Variants in DACH2 observed in about 807,000 individuals in gnomAD.
DACH2 encodes the protein dachshund family transcription factor 2.
DACH2 carries 17 observed loss-of-function variants against 35.8 expected under a neutral mutation model. That is an observed-to-expected ratio of 0.48 (90% confidence interval 0.33 to 0.71). The LOEUF is 0.71. Among genes scored for constraint, DACH2 ranks in the 30% least tolerant of loss-of-function variants. The pLI is 0.02. For missense variants in DACH2, 469 were observed against 472.7 expected (o/e 0.99, Z 0.07); for synonymous variants, 195 against 177.3 (o/e 1.10, Z -0.79).
chrX:86,634,052 A>T (rs1305763126), intron 3 of DACH2, among the ~76,000 whole-genome samples: 7 of 111,426 alleles, frequency 6.3e-5, no homozygotes, highest in African/African-American at 2.3e-4. Context: ...ACTTACAATC[A>T]TGGTGGAAGA....
intron 2 of DACH2, among the ~76,000 whole-genome samples, chrX:86,475,447 T>A (rs955550693): frequency 8.9e-6 from 1 of 111,939 alleles, no homozygotes; most frequent in African/African-American, 3.2e-5. Context: ...CATTTATGGC[T>A]ATTGTAAACA....
intron 1 of DACH2, among the ~76,000 whole-genome samples, chrX:86,325,230 A>G (rs1332445918): frequency 1.8e-5 from 2 of 111,851 alleles, no homozygotes; most frequent in East Asian, 2.8e-4. Context: ...TGGTATCTAA[A>G]GGGTATCTAA....
rs11345234 is a variant in DACH2, at chrX:86,300,841, AT to A, written c.489-75979del. Among the ~76,000 whole-genome samples the A allele has an allele frequency of 6.1e-3, 681 of 112,115 alleles. 5 individuals carry two copies. Among genetic ancestry groups the A allele is most frequent in the African/African-American group, 0.021 (652 of 30,912 alleles). Reference sequence around the variant, plus strand: ...TTGCACATGGAAATTGTATTTTGCCATTTTCTGTGCTCATTCAGCTTCCTTT... The same window carrying A: ...TTGCACATGGAAATTGTATTTTGCCATTTCTGTGCTCATTCAGCTTCCTTT... On this transcript the variant is annotated intron_variant, in intron 1 of 11. Coordinates refer to ENST00000373125, the MANE Select transcript of DACH2 (RefSeq NM_053281.3).
intron 2 of DACH2, among the ~76,000 whole-genome samples, chrX:86,501,267 G>A (rs749350929): frequency 8.9e-6 from 1 of 112,048 alleles, no homozygotes; most frequent in African/African-American, 3.2e-5. Flanking sequence ...TATAATGTGT[G>A]CAGTTTTGAA....
chrX:86,568,029 T>C (rs1358620220), intron 3 of DACH2, among the ~76,000 whole-genome samples: 1 of 111,393 alleles, frequency 9.0e-6, no homozygotes, highest in Non-Finnish European at 1.9e-5. Flanking sequence ...TAAATGCATA[T>C]TGCTAAGTGA....
chrX:86,379,761 G>A (rs1407976582), intron 2 of DACH2, among the ~76,000 whole-genome samples: 2 of 110,844 alleles, frequency 1.8e-5, no homozygotes, highest in East Asian at 5.7e-4. Context: ...ACAAACACAC[G>A]TGAAAGATGA....
At chrX:86,196,942 C>A (rs1344769753) in intron 1 of DACH2, among the ~76,000 whole-genome samples, 1 of 109,576 alleles carries the variant, frequency 9.1e-6, no homozygotes, top group Non-Finnish European at 1.9e-5. Context: ...GAAGACCATC[C>A]CGAAGACACA....
chrX:86,279,084 G>T (rs941869557), intron 1 of DACH2, among the ~76,000 whole-genome samples: 7 of 112,155 alleles, frequency 6.2e-5, no homozygotes, highest in African/African-American at 2.3e-4. Context: ...CTGGGACAGA[G>T]CACCTGGGGG....
At chrX:86,534,087 T>C (rs932568356) in intron 3 of DACH2, among the ~76,000 whole-genome samples, 2 of 112,325 alleles carry the variant, frequency 1.8e-5, no homozygotes, top group Non-Finnish European at 3.8e-5. Flanking sequence ...AAATTCCCTA[T>C]AGCCTGATTG....
At chrX:86,563,512 T>C (rs1000582837) in intron 3 of DACH2, among the ~76,000 whole-genome samples, 1 of 110,992 alleles carries the variant, frequency 9.0e-6, no homozygotes, top group Non-Finnish European at 1.9e-5. Context: ...ATATTAATAT[T>C]ATCAAAGGGA....
At chrX:86,702,656 C>A (rs1451148730) in intron 5 of DACH2, among the ~76,000 whole-genome samples, 3 of 111,505 alleles carry the variant, frequency 2.7e-5, no homozygotes, top group African/African-American at 9.8e-5. Context: ...CCTCTATGCA[C>A]ACAAACTAGA....
chrX:86,568,909 A>G (rs184658929), intron 3 of DACH2, among the ~76,000 whole-genome samples: 1 of 111,511 alleles, frequency 9.0e-6, no homozygotes, highest in East Asian at 2.9e-4. Flanking sequence ...GTCTGTCTTG[A>G]TCACTTCCGA....
intron 1 of DACH2, among the ~76,000 whole-genome samples, chrX:86,243,477 C>G (rs2033213100): frequency 9.0e-6 from 1 of 111,613 alleles, no homozygotes; most frequent in Non-Finnish European, 1.9e-5. Flanking sequence ...ATAACTGGAT[C>G]ATAGTGAAGA....
At chrX:86,250,122 T>A (rs946596444) in intron 1 of DACH2, among the ~76,000 whole-genome samples, 1 of 111,434 alleles carries the variant, frequency 9.0e-6, no homozygotes, top group Admixed American at 9.5e-5. Context: ...ACCTGCGTGA[T>A]GAAATAATCT....
At chrX:86,399,134 A>T (rs761831706) in intron 2 of DACH2, among the ~76,000 whole-genome samples, 31 of 112,009 alleles carry the variant, frequency 2.8e-4, no homozygotes, top group African/African-American at 9.1e-4. Flanking sequence ...ACCATTATGT[A>T]ATGCCCTTCT....
At chrX:86,297,747 G>A (rs1425872461) in intron 1 of DACH2, among the ~76,000 whole-genome samples, 1 of 112,175 alleles carries the variant, frequency 8.9e-6, no homozygotes, top group Non-Finnish European at 1.9e-5. Flanking sequence ...AAAGGATAAA[G>A]TAAAAATATT....
intron 1 of DACH2, among the ~76,000 whole-genome samples, chrX:86,303,570 C>A (rs1424758608): frequency 9.0e-6 from 1 of 110,619 alleles, no homozygotes; most frequent in East Asian, 2.9e-4. Flanking sequence ...ACTCAAGTAT[C>A]AGTTGGGAAG....
At chrX:86,421,881 T>C (rs926972169) in intron 2 of DACH2, among the ~76,000 whole-genome samples, 5 of 111,404 alleles carry the variant, frequency 4.5e-5, no homozygotes, top group Middle Eastern at 9.2e-3. Flanking sequence ...TCATACAGGA[T>C]AACATTTATA....
intron 2 of DACH2, among the ~76,000 whole-genome samples, chrX:86,395,622 G>A (rs902461815): frequency 9.0e-6 from 1 of 110,714 alleles, no homozygotes; most frequent in Admixed American, 9.6e-5. Context: ...CCACCTATGA[G>A]TGAGAACATG....
Sources: gnomAD v4.1 joint callset for allele counts (sites outside exome capture counted in the v4.1 genomes callset) on GRCh38, gnomAD v4.1.1 for gene constraint, MANE v1.5 for transcripts, NCBI Gene and HGNC (gene_info 2026-07-23, HGNC 2026-07-21) for gene names.